Variants in METTL8 observed in about 807,000 individuals in gnomAD.
METTL8 encodes methyltransferase 8, tRNA N3-cytidine.
In METTL8, 32 loss-of-function variants were observed where a neutral mutation model predicts 48.7. The observed-to-expected ratio is 0.66, with a 90% CI of 0.50 to 0.88. METTL8 has a LOEUF of 0.88. Ranked by LOEUF, METTL8 falls within the 40% of genes least tolerant of loss-of-function variation. The pLI is 0.00. For missense variants in METTL8, 464 were observed against 474.4 expected, an observed-to-expected ratio of 0.98 and a Z score of 0.20; for synonymous variants, 136 against 157.1, an observed-to-expected ratio of 0.87 and a Z score of 1.01.
chr2:171,372,797 T>C (rs921460503), intron 2 of METTL8, among the ~76,000 whole-genome samples: 5 of 152,216 alleles, frequency 3.3e-5, no homozygotes, highest in African/African-American at 1.2e-4. Flanking sequence ...TCCATGTCCC[T>C]ACAAAGGACA....
At chr2:171,331,937 G>GTAACC in intron 5 of METTL8, 70 bp from the exon 6 acceptor site, 2 of 1,092,204 alleles carry the variant, frequency 1.8e-6, no homozygotes. Flanking sequence ...CCAGGTTGGA[G>GTAACC]TGTAGTAACG....
chr2:171,345,609 A>C lies in METTL8; in HGVS notation c.236-6055T>G, dbSNP rs187438660. The stretch of plus-strand genomic sequence containing the variant: ...CATAAAACTTTTAGCTACTCTCTCT[A>C]TATATTTTTTTCACATAGAACATTT... On this transcript the variant is annotated intron_variant, in intron 3 of 9. Coordinates refer to ENST00000375258, the MANE Select transcript of METTL8 (RefSeq NM_001321154.2). Among the ~76,000 whole-genome samples the C allele has an allele frequency of 1.6e-4, 24 of 152,320 alleles. No individual in the cohort carries two copies. In the East Asian group the frequency reaches 2.9e-3, roughly 18 times the overall value.
At chr2:171,339,088 T>C (rs1200070293) in intron 4 of METTL8, 96 bp downstream of exon 4, 6 of 1,102,956 alleles carry the variant, frequency 5.4e-6, no homozygotes, top group African/African-American at 1.5e-5. Context: ...TTGATAGTTT[T>C]CCACCAAAAA....
At chr2:171,389,132 A>G (rs1465594529) in intron 2 of METTL8, among the ~76,000 whole-genome samples, 1 of 152,206 alleles carries the variant, frequency 6.6e-6, no homozygotes, top group Non-Finnish European at 1.5e-5. Flanking sequence ...CTTAGTGAGG[A>G]AGGCCTTTTG....
chr2:171,381,780 CTTTTTT>C (rs35185395), intron 2 of METTL8, among the ~76,000 whole-genome samples: 3 of 125,684 alleles, frequency 2.4e-5, no homozygotes, highest in Non-Finnish European at 5.0e-5. Flanking sequence ...ATTAGGAACA[CTTTTTT>C]TTTTTTTTTT....
chr2:171,331,809 C>T lies in METTL8; in HGVS notation c.715G>A (p.Val239Ile), dbSNP rs187428286. The T allele has an allele frequency of 3.1e-5, 49 of 1,603,088 alleles. No homozygotes were observed. The highest frequency in any genetic ancestry group is 6.7e-5 in the African/African-American group (5 of 74,950). The stretch of plus-strand genomic sequence containing the variant: ...GATTCCCAGGAGTAGCATACCTTTA[C>T]GAGCTCCACAGCTCCAGAAGCAAAA... ...CDFASGAVELVKSHSSYRATQ... is the reference protein window; with the variant it reads ...CDFASGAVELIKSHSSYRATQ... The change falls in exon 6 of 10, where the codon GTA (valine) becomes ATA (isoleucine). Residue 239 changes from valine to isoleucine, a missense_variant. Coordinates refer to ENST00000375258, the MANE Select transcript of METTL8 (RefSeq NM_001321154.2).
In METTL8 at chr2:171,324,201, T is replaced by C. The variant is rs750544517; in HGVS notation, c.1195A>G (p.Met399Val). 4 of 1,549,268 alleles carry C rather than the reference T, an allele frequency of 2.6e-6. No individual in the cohort carries two copies. The highest frequency in any genetic ancestry group is 4.9e-5 in the East Asian group (2 of 40,854). ...PLHQTQNSSNMVSTLLSQD is the reference protein window; with the variant it reads ...PLHQTQNSSNVVSTLLSQD ...TCTTGTGAAAGGAGTGTAGATACCA[T>C]ATTGGAGCTATTCTGAGTCTGGTGC... The change falls in exon 10 of 10, where the codon ATG becomes GTG. Residue 399 changes from methionine to valine, a missense_variant. Met to Val is a conservative substitution (Grantham distance 21, BLOSUM62 1). Coordinates refer to ENST00000375258, the MANE Select transcript of METTL8 (RefSeq NM_001321154.2).
rs548380573 is a variant in METTL8, at chr2:171,323,287, G to T, written c.*885C>A. ...CTCACCATGTCACCCAGTTTGGAGC[G>T]CAGTGGTACAATCTCAGCTCACTGC... is the stretch of plus-strand genomic sequence containing the variant. On this transcript the variant is annotated 3_prime_UTR_variant, in exon 10 of 10. Transcript: ENST00000375258. The T allele has an allele frequency of 7.6e-6, 1 of 131,612 alleles. No individual in the cohort carries two copies. The highest frequency in any genetic ancestry group is 2.9e-5 in the African/African-American group (1 of 34,894). 8.2% of individuals were successfully genotyped at this position (131,612 alleles called of 1,614,324 possible). A position where few individuals can be genotyped will look rare whatever the true frequency, so the allele number is the denominator to read the frequency against.
intron 3 of METTL8, among the ~76,000 whole-genome samples, chr2:171,354,036 T>C (rs1185406256): frequency 1.3e-5 from 2 of 152,244 alleles, no homozygotes; most frequent in African/African-American, 4.8e-5. Context: ...CGTTAGTTGA[T>C]GCAGTTTCTT....
chr2:171,329,644 C>T lies in METTL8; in HGVS notation c.860+915G>A, dbSNP rs1482093052. On this transcript the variant is annotated intron_variant, in intron 7 of 9. Coordinates refer to ENST00000375258, the MANE Select transcript of METTL8 (RefSeq NM_001321154.2). The stretch of plus-strand genomic sequence containing the variant: ...GATTTATTTGGAAATGGAATTTGTT[C>T]TTCTACAAGTAATCAAAGTGCTCAT... Among the ~76,000 whole-genome samples the T allele has an allele frequency of 2.6e-5, 4 of 152,202 alleles. No individual in the cohort carries two copies. The East Asian group carries it at 7.7e-4, about 29-fold the overall frequency.
chr2:171,340,367 T>C (rs944806932), intron 3 of METTL8, among the ~76,000 whole-genome samples: 36 of 151,542 alleles, frequency 2.4e-4, no homozygotes, highest in Non-Finnish European at 8.8e-5. Context: ...CTGGGTGTGG[T>C]GGCAGACACC....
At chr2:171,401,269 G>A (rs1289495722) in intron 1 of METTL8, among the ~76,000 whole-genome samples, 1 of 152,158 alleles carries the variant, frequency 6.6e-6, no homozygotes, top group Non-Finnish European at 1.5e-5. Flanking sequence ...CTACACTGCA[G>A]TGAAAACTGA....
intron 2 of METTL8, among the ~76,000 whole-genome samples, chr2:171,364,027 G>C (rs1277175881): frequency 6.6e-6 from 1 of 151,348 alleles, no homozygotes; most frequent in Non-Finnish European, 1.5e-5. Flanking sequence ...TGGCCAGGCT[G>C]GTCTCCAACT....
chr2:171,336,424 C>T (rs1488869224), intron 5 of METTL8, among the ~76,000 whole-genome samples: 4 of 96,882 alleles, frequency 4.1e-5, no homozygotes, highest in Non-Finnish European at 5.9e-5. Context: ...TTTTTTTAGA[C>T]GGAGTCTCAC....
intron 2 of METTL8, among the ~76,000 whole-genome samples, chr2:171,377,252 T>C (rs1200743721): frequency 6.6e-6 from 1 of 151,990 alleles, no homozygotes; most frequent in Non-Finnish European, 1.5e-5. Flanking sequence ...TTCTAGAAGA[T>C]AACATCGGAA....
intron 5 of METTL8, chr2:171,332,226 T>C (rs1685611465): frequency 5.9e-6 from 1 of 168,546 alleles, no homozygotes; most frequent in Non-Finnish European, 1.3e-5. Context: ...ATACTCAAAC[T>C]AGAGAAGAAA....
At chr2:171,412,542 A>G (rs1328865724) in intron 1 of METTL8, among the ~76,000 whole-genome samples, 1 of 152,186 alleles carries the variant, frequency 6.6e-6, no homozygotes, top group African/African-American at 2.4e-5. Context: ...TCAAAAGGCT[A>G]AAATTATTTT....
chr2:171,407,489 C>T (rs1478759520), intron 1 of METTL8, among the ~76,000 whole-genome samples: 6 of 152,016 alleles, frequency 3.9e-5, no homozygotes, highest in Non-Finnish European at 5.9e-5. Context: ...CTGCTTTGAA[C>T]GAGAGGCTCT....
intron 5 of METTL8, among the ~76,000 whole-genome samples, chr2:171,333,024 G>GAATTTATTTAGCTAAATAAATATGC (rs1469549726): frequency 1.8e-5 from 2 of 110,544 alleles, no homozygotes; most frequent in Admixed American, 8.3e-5. Context: ...AATAAATATG[G>GAATTTATTTAGCTAAATAAATATGC]AATTTATTTA....
Sources: allele counts gnomAD v4.1 joint callset (sites outside exome capture counted in the v4.1 genomes callset), GRCh38; gene constraint gnomAD v4.1.1; transcripts MANE v1.5; gene names NCBI Gene and HGNC (gene_info 2026-07-23, HGNC 2026-07-21).